The following PTPRU variants were observed in gnomAD, a reference collection of about 807,000 sequenced individuals.
PTPRU encodes the protein protein tyrosine phosphatase receptor type U.
A neutral mutation model predicts 166.3 loss-of-function variants in PTPRU; 69 were observed. That is an observed-to-expected ratio of 0.41 (90% CI 0.34 to 0.51). The LOEUF is 0.51. PTPRU is among the 20% of genes least tolerant of loss of function. The pLI, the probability that PTPRU is intolerant of heterozygous loss-of-function variation, is 0.09. For missense variants in PTPRU, 1,657 were observed against 2,013.7 expected (o/e 0.82, Z 3.39); for synonymous variants, 793 against 814.0 (o/e 0.97, Z 0.44).
chr1:29,259,711 G>T (rs1284899604), intron 5 of PTPRU, 147 bp downstream of exon 5: 6 of 1,259,994 alleles, frequency 4.8e-6, no homozygotes, highest in Non-Finnish European at 5.3e-6. Context: ...GCTCTGCTCT[G>T]CGCTTTCTTG....
intron 12 of PTPRU, 192 bp from the exon 13 acceptor site, chr1:29,283,748 C>T (rs1686211420): frequency 3.1e-6 from 2 of 647,232 alleles, no homozygotes; most frequent in Non-Finnish European, 5.5e-6. Flanking sequence ...TCCTAAGGCA[C>T]TGCAGGTGCC....
Position 29,255,290 on chromosome 1 carries a change from A to G in PTPRU, c.89A>G (p.Glu30Gly). 6.2e-7 allele frequency: 1 copy of G among 1,613,720 alleles called. No homozygotes were observed. Among genetic ancestry groups the G allele is most frequent in the Non-Finnish European group, 8.5e-7 (1 of 1,179,718 alleles). ...TETPAAGCTF[E>G]EASDPAVPCE... is the part of the protein sequence containing the mutation. ...GCTCTCACAGCTGGCTGCACCTTCG[A>G]GGAGGCAAGTGACCCAGCAGTGCCC... Residue 30 changes from glutamate to glycine, a missense_variant, in exon 2 of 30, where the codon GAG becomes GGG. Coordinates refer to ENST00000373779, the MANE Select transcript of PTPRU (RefSeq NM_133178.4).
intron 2 of PTPRU, among the ~76,000 whole-genome samples, chr1:29,258,112 A>T (rs1392034500): frequency 6.6e-6 from 1 of 152,048 alleles, no homozygotes; most frequent in Non-Finnish European, 1.5e-5. Context: ...CTACAGGCAC[A>T]TGCTACCACA....
Position 29,289,543 on chromosome 1 carries a change from C to T in PTPRU, c.2319-2326C>T, listed in dbSNP as rs141173191. The T allele has an allele frequency of 4.5e-4, 421 of 936,392 alleles. 3 individuals carry two copies. The African/African-American group carries it at 6.3e-3, about 14-fold the overall frequency. The allele number at this position is 936,392 out of a possible 1,614,324, so 58.0% of individuals were successfully genotyped here. A position where few individuals can be genotyped will look rare whatever the true frequency, so the allele number is the denominator to read the frequency against. On this transcript the variant is annotated intron_variant, in intron 14 of 29. Coordinates refer to ENST00000373779, the MANE Select transcript of PTPRU (RefSeq NM_133178.4). ...AGCCTGACCAGGGAGGTCCTCCTGA[C>T]CTGTTCAGTCCCTGGCCAGCCCCCT...
chr1:29,303,073 A>G (rs1257355669), intron 15 of PTPRU, among the ~76,000 whole-genome samples: 1 of 152,118 alleles, frequency 6.6e-6, no homozygotes, highest in Admixed American at 6.5e-5. Flanking sequence ...CTAACAATGC[A>G]TTTTTCGGAA....
Position 29,279,945 on chromosome 1 carries a change from G to T in PTPRU, c.1766-94G>T. 1.5e-6 allele frequency: 2 copies of T among 1,295,116 alleles called. No homozygotes were observed. The highest frequency in any genetic ancestry group is 1.3e-5 in the South Asian group (1 of 75,888). 80.2% of individuals were successfully genotyped at this position (1,295,116 alleles called of 1,614,324 possible). A position where few individuals can be genotyped will look rare whatever the true frequency, so the allele number is the denominator to read the frequency against. Reference sequence around the variant, plus strand: ...AACAAAGAGGCTAAGGCTGAAGTAGGGGAGATCTGAGGACTGTGGTCAAGG... The same window carrying T: ...AACAAAGAGGCTAAGGCTGAAGTAGTGGAGATCTGAGGACTGTGGTCAAGG... On this transcript the variant is annotated intron_variant, in intron 10 of 29. Coordinates refer to ENST00000373779, the MANE Select transcript of PTPRU (RefSeq NM_133178.4). The surrounding 1 kb of genome is among the most constrained non-coding windows in gnomAD (Gnocchi z 5.2).
At chr1:29,308,571 A>G (rs1687507937) in intron 18 of PTPRU, among the ~76,000 whole-genome samples, 1 of 150,410 alleles carries the variant, frequency 6.6e-6, no homozygotes, top group Non-Finnish European at 1.5e-5. Flanking sequence ...TGTCTCAAAA[A>G]AAAAAAAAAA....
chr1:29,250,341 C>G (rs946510249), intron 1 of PTPRU, among the ~76,000 whole-genome samples: 1 of 152,188 alleles, frequency 6.6e-6, no homozygotes, highest in Non-Finnish European at 1.5e-5. Context: ...TGAATTAACA[C>G]TTATGGCCAG....
Position 29,279,987 on chromosome 1 carries a change from C to T in PTPRU, c.1766-52C>T. 5 of 1,534,144 alleles carry T rather than the reference C, an allele frequency of 3.3e-6. No individual in the cohort carries two copies. The highest frequency in any genetic ancestry group is 2.7e-6 in the Non-Finnish European group (3 of 1,110,236). ...TGGTCAAGGAGGCTGGAAGCCTGGT[C>T]TTCCTGGTCCAGTGGCCAAGCTCCA... On this transcript the variant is annotated intron_variant, in intron 10 of 29. Coordinates refer to ENST00000373779, the MANE Select transcript of PTPRU (RefSeq NM_133178.4). This position sits in a 1 kb window ranked among gnomAD's most constrained non-coding sequence, Gnocchi z 5.2.
At position 29,236,917 on chromosome 1, in the gene PTPRU, A is replaced by C. The variant is rs1478997309; in HGVS notation, c.73+200A>C. Among the ~76,000 whole-genome samples, 1 of 152,010 alleles carries C rather than the reference A, an allele frequency of 6.6e-6. No individual in the cohort carries two copies. Among genetic ancestry groups the C allele is most frequent in the African/African-American group, 2.4e-5 (1 of 41,370 alleles). ...TGTGTCCGTGAGTTCTGTGCGCAAG[A>C]AAAGGTGATGTGTGTCGGCGAGTAT... On this transcript the variant is annotated intron_variant, in intron 1 of 29. Coordinates refer to ENST00000373779, the MANE Select transcript of PTPRU (RefSeq NM_133178.4). The surrounding 1 kb of genome is among the most constrained non-coding windows in gnomAD (Gnocchi z 4.6).
rs1219797743 is a variant in PTPRU, at chr1:29,257,710, C to A, written c.206-795C>A. 1.3e-5 allele frequency among the ~76,000 whole-genome samples: 2 copies of A among 152,156 alleles called. No individual in the cohort carries two copies. The highest frequency in any genetic ancestry group is 2.9e-5 in the Non-Finnish European group (2 of 68,042). Reference sequence around the variant, plus strand: ...CTGTTCTACATATTCATTCAGCTTGCGTCCTGAGGCCTCACAGCCTGGTGG... The same window carrying A: ...CTGTTCTACATATTCATTCAGCTTGAGTCCTGAGGCCTCACAGCCTGGTGG... On this transcript the variant is annotated intron_variant, in intron 2 of 29. Transcript: ENST00000373779. This position sits in a 1 kb window ranked among gnomAD's most constrained non-coding sequence, Gnocchi z 4.6.
chr1:29,310,777 C>T lies in PTPRU; in HGVS notation c.2854C>T (p.Gln952Ter). Residue 952 changes from glutamine to a stop codon, truncating the protein, a stop_gained, in exon 19 of 30, where the codon CAA (glutamine) becomes TAA (stop). Transcript: ENST00000373779. LOFTEE classifies it high-confidence loss of function. ...YHRSNHFIAT[Q>*]GPKPEMVYDF... ...CAGGTCAAACCACTTCATAGCCACT[C>T]AAGGTACCTGGCACTTCTGCCCACA... The T allele has an allele frequency of 6.2e-7, 1 of 1,613,946 alleles. No homozygotes were observed.
At chr1:29,269,237 TATATATA>T (rs1338692194) in intron 7 of PTPRU, among the ~76,000 whole-genome samples, 3 of 44,838 alleles carry the variant, frequency 6.7e-5, no homozygotes, top group Admixed American at 3.3e-4. Flanking sequence ...TATATATATA[TATATATA>T]TATTTTTTTT....
intron 18 of PTPRU, 44 bp from the exon 19 acceptor site, chr1:29,310,700 G>T: frequency 1.3e-6 from 2 of 1,585,124 alleles, no homozygotes; most frequent in Non-Finnish European, 1.7e-6. Context: ...GGGAGTGAGG[G>T]GCTACTCCCT....
Position 29,237,361 on chromosome 1 carries a change from G to T in PTPRU, c.73+644G>T, listed in dbSNP as rs1683816416. Among the ~76,000 whole-genome samples the T allele has an allele frequency of 6.6e-6, 1 of 152,084 alleles. No homozygotes were observed. Among genetic ancestry groups the T allele is most frequent in the Non-Finnish European group, 1.5e-5 (1 of 67,998 alleles). On this transcript the variant is annotated intron_variant, in intron 1 of 29. Coordinates refer to ENST00000373779, the MANE Select transcript of PTPRU (RefSeq NM_133178.4). This position sits in a 1 kb window ranked among gnomAD's most constrained non-coding sequence, Gnocchi z 6.4. ...GGTGTGTGCTGCCGGGGGCCGCGTG[G>T]GTCCGAGTGAATGCCAAGTGTGCCG...
Position 29,259,974 on chromosome 1 carries a change from C to T in PTPRU, c.780C>T (p.Asp260=), listed in dbSNP as rs781094419. ...PLAAVSRAEQ[D]LYRCVSQAPR... Reference sequence around the variant, plus strand: ...CTGCCGTGAGCCGCGCCGAGCAGGACCTGTACCGCTGTGTGTCCCAGGCCC... The same window carrying T: ...CTGCCGTGAGCCGCGCCGAGCAGGATCTGTACCGCTGTGTGTCCCAGGCCC... Residue 260 remains aspartate (D), a synonymous_variant, in exon 6 of 30, where the codon GAC becomes GAT. Coordinates refer to ENST00000373779, the MANE Select transcript of PTPRU (RefSeq NM_133178.4). The T allele has an allele frequency of 1.9e-6, 3 of 1,557,100 alleles. No individual in the cohort carries two copies. The highest frequency in any genetic ancestry group is 2.6e-6 in the Non-Finnish European group (3 of 1,158,970).
At position 29,311,758 on chromosome 1, in the gene PTPRU, G is replaced by T. The variant is rs754407171; in HGVS notation, c.3071G>T (p.Arg1024Leu). ...GTCGTGCGCACTTTTGCCCTGGAGCGGGTGAGTCTCCCCACCGCCTGTTCC... is the reference window on the plus strand; with the variant it reads ...GTCGTGCGCACTTTTGCCCTGGAGCTGGTGAGTCTCCCCACCGCCTGTTCC... The part of the protein sequence containing the change: ...EYVVRTFALE[R>L]RGYSARHEVR... Residue 1024 changes from arginine to leucine, a missense_variant and splice_region_variant, in exon 21 of 30, where the codon CGG becomes CTG. Arg to Leu is a moderately radical substitution (Grantham distance 102). This residue lies in a region of PTPRU where 1,190 missense variants were observed against 1,477.4 expected (regional missense o/e 0.81). Transcript: ENST00000373779. This position sits in a 1 kb window ranked among gnomAD's most constrained non-coding sequence, Gnocchi z 4.1. The T allele has an allele frequency of 6.2e-7, 1 of 1,613,374 alleles. No homozygotes were observed. Among genetic ancestry groups the T allele is most frequent in the South Asian group, 1.1e-5 (1 of 90,986 alleles).
chr1:29,283,836 G>A, intron 12 of PTPRU, 104 bp from the exon 13 acceptor site: 1 of 1,396,510 alleles, frequency 7.2e-7, no homozygotes, highest in South Asian at 1.2e-5. Context: ...ATCAGCACAA[G>A]ACAAAGCCCT....
At chr1:29,321,696 T>C (rs1688168903) in intron 26 of PTPRU, among the ~76,000 whole-genome samples, 2 of 152,246 alleles carry the variant, frequency 1.3e-5, no homozygotes, top group Admixed American at 6.5e-5. Context: ...GGGGCCATCA[T>C]AGGACCTGTT....
Sources: gnomAD v4.1 joint callset for allele counts (sites outside exome capture counted in the v4.1 genomes callset) on GRCh38, gnomAD v4.1.1 for gene constraint, gnomAD v4.1.1 regional missense constraint, Gnocchi (gnomAD v3.1) non-coding constraint, MANE v1.5 for transcripts, NCBI Gene and HGNC (gene_info 2026-07-23, HGNC 2026-07-21) for gene names.